The following TRIP12 variants were observed in gnomAD, a reference collection of about 807,000 sequenced individuals.
TRIP12 encodes E3 ubiquitin-protein ligase TRIP12.
In TRIP12, 25 loss-of-function variants were observed where a neutral mutation model predicts 244.2. The ratio of observed to expected loss-of-function variants is 0.10; its 90% confidence interval spans 0.07 to 0.14. The LOEUF is 0.14. Ranked by LOEUF, TRIP12 falls within the 10% of genes least tolerant of loss-of-function variation. TRIP12 has a pLI of 1.00. For synonymous variants in TRIP12, 905 were observed against 873.1 expected (o/e 1.04, Z -0.64); for missense variants, 1,677 against 2,486.4 (o/e 0.67, Z 6.92).
At position 229,901,229 on chromosome 2, in the gene TRIP12, C is replaced by T. The variant is rs559633391; in HGVS notation, c.-50+20651G>A. On this transcript the variant is annotated intron_variant, in intron 1 of 41. Coordinates refer to ENST00000675903, the MANE Select transcript of TRIP12 (RefSeq NM_001348323.3). ...GATTACAGTCATGAGCCACCACACC[C>T]GGCTCAATAAAGCTGTTTTTAAAAA... Among the ~76,000 whole-genome samples the T allele has an allele frequency of 2.0e-3, 308 of 151,838 alleles. 2 individuals carry two copies. The highest frequency in any genetic ancestry group is 7.0e-3 in the African/African-American group (292 of 41,454).
At chr2:229,864,076 G>A (rs896947415) in intron 2 of TRIP12, among the ~76,000 whole-genome samples, 3 of 149,040 alleles carry the variant, frequency 2.0e-5, no homozygotes, top group Non-Finnish European at 4.5e-5. Context: ...GTGTGTGTGT[G>A]TGCACGCGCA....
At position 229,859,175 on chromosome 2, in the gene TRIP12, A is replaced by C. The variant is rs762609153; in HGVS notation, c.624T>G (p.Thr208=). 1 of 1,614,134 alleles carries C rather than the reference A, an allele frequency of 6.2e-7. No individual in the cohort carries two copies. Among genetic ancestry groups the C allele is most frequent in the African/African-American group, 1.3e-5 (1 of 75,030 alleles). ...GTTTCGCAGATCTCTCTTCTGCACC[A>C]GTTGATTCAGACCCGGAGCCACTCT... The part of the protein sequence containing the change: ...CVKSGSGSES[T]GAEERSAKPT... Residue 208 remains threonine, a synonymous_variant, in exon 4 of 42, where the codon ACT becomes ACG. Coordinates refer to ENST00000675903, the MANE Select transcript of TRIP12 (RefSeq NM_001348323.3).
Position 229,788,815 on chromosome 2 carries a change from A to G in TRIP12, c.4821T>C (p.Thr1607=). ...TGTCTTACCAGGTTTTTCCTAGCTC[A>G]GTAAGCCATGTTGGGATGTTTCCTG... The part of the protein sequence containing the change: ...IMTGNIPTWL[T]ELGKTCPFFF... The change falls in exon 32 of 42, where the codon ACT becomes ACC. Residue 1607 remains threonine (T), a synonymous_variant. Transcript: ENST00000675903. 6 of 1,613,578 alleles carry G rather than the reference A, an allele frequency of 3.7e-6. No individual in the cohort carries two copies. Among genetic ancestry groups the G allele is most frequent in the Non-Finnish European group, 5.1e-6 (6 of 1,179,882 alleles).
At chr2:229,810,823 A>C in intron 15 of TRIP12, 57 bp downstream of exon 15, 6 of 1,560,508 alleles carry the variant, frequency 3.8e-6, no homozygotes, top group Non-Finnish European at 5.3e-6. Flanking sequence ...TTGACTTTAC[A>C]TATTAATGAA....
intron 6 of TRIP12, among the ~76,000 whole-genome samples, chr2:229,834,269 T>C (rs1018665643): frequency 2.6e-5 from 4 of 152,238 alleles, no homozygotes; most frequent in African/African-American, 4.8e-5. Context: ...GTTAACAAAA[T>C]TGGACCACTT....
intron 17 of TRIP12, 53 bp from the exon 18 acceptor site, chr2:229,805,936 C>G: frequency 7.1e-7 from 1 of 1,413,030 alleles, no homozygotes; most frequent in Non-Finnish European, 9.5e-7. Context: ...AATCTATTAC[C>G]TTAAGACACA....
intron 2 of TRIP12, 117 bp from the exon 3 acceptor site, chr2:229,860,648 A>G: frequency 1.0e-6 from 1 of 961,958 alleles, no homozygotes; most frequent in Non-Finnish European, 1.4e-6. Flanking sequence ...TGTTGACCCT[A>G]CCCTTTTTCC....
At chr2:229,886,427 A>G (rs2066025922) in intron 1 of TRIP12, among the ~76,000 whole-genome samples, 1 of 152,130 alleles carries the variant, frequency 6.6e-6, no homozygotes, top group South Asian at 2.1e-4. Context: ...AAACCATTTG[A>G]ATGTGATAAC....
chr2:229,773,364 G>A (rs1234051530), intron 38 of TRIP12, among the ~76,000 whole-genome samples: 8 of 152,068 alleles, frequency 5.3e-5, no homozygotes, highest in East Asian at 1.9e-4. Context: ...ATGAGCCACC[G>A]TGCCCAGCCT....
rs751261947 is a variant in TRIP12 at position 229,769,236 on chromosome 2, A to G, written c.5898T>C (p.His1966=). ...ECCRPDHGYT[H]DSRAVKFLFE... ...TGGCAGACCCCAGTACTTACCTGTC[A>G]TGAGTATAACCATGATCAGGCCTAC... The change falls in exon 40 of 42, where the codon CAT becomes CAC. Residue 1966 remains histidine, a synonymous_variant. Transcript: ENST00000675903. 1.9e-6 allele frequency: 3 copies of G among 1,612,722 alleles called. No homozygotes were observed. The highest frequency in any genetic ancestry group is 1.1e-5 in the South Asian group (1 of 90,910).
chr2:229,805,964 A>C, intron 17 of TRIP12, 81 bp from the exon 18 acceptor site: 1 of 1,126,848 alleles, frequency 8.9e-7, no homozygotes, highest in Non-Finnish European at 1.2e-6. Flanking sequence ...CCCTCCAAAT[A>C]TGCTATCTTA....
At chr2:229,776,080 G>A (rs1330159901) in intron 37 of TRIP12, among the ~76,000 whole-genome samples, 2 of 152,152 alleles carry the variant, frequency 1.3e-5, no homozygotes, top group Non-Finnish European at 2.9e-5. Flanking sequence ...CTGGGTTTGA[G>A]TTCCTACTCT....
chr2:229,909,103 A>AG (rs987333792), intron 1 of TRIP12, among the ~76,000 whole-genome samples: 14 of 151,590 alleles, frequency 9.2e-5, no homozygotes, highest in Admixed American at 7.2e-4. Context: ...AAAAAAAAAA[A>AG]AAAAGAGATT....
chr2:229,849,590 T>TAGTG (rs1173992227), intron 4 of TRIP12, among the ~76,000 whole-genome samples: 2 of 152,040 alleles, frequency 1.3e-5, no homozygotes, highest in African/African-American at 4.8e-5. Context: ...TGGCCAGGCA[T>TAGTG]AGTGGCTCAT....
chr2:229,891,555 T>C (rs996646817), intron 1 of TRIP12, among the ~76,000 whole-genome samples: 4 of 152,234 alleles, frequency 2.6e-5, no homozygotes, highest in African/African-American at 2.4e-5. Flanking sequence ...CAAGCCATGA[T>C]TGTGCCACTG....
At chr2:229,843,888 A>G (rs2057037370) in intron 4 of TRIP12, among the ~76,000 whole-genome samples, 1 of 152,106 alleles carries the variant, frequency 6.6e-6, no homozygotes, top group African/African-American at 2.4e-5. Flanking sequence ...CGAAAAGAAA[A>G]GGAAGAAAAG....
chr2:229,778,885 T>G lies in TRIP12; in HGVS notation c.5200A>C (p.Asn1734His). The G allele has an allele frequency of 6.2e-7, 1 of 1,613,794 alleles. No individual in the cohort carries two copies. The highest frequency in any genetic ancestry group is 8.5e-7 in the Non-Finnish European group (1 of 1,179,752). The change falls in exon 35 of 42, where the codon AAT becomes CAT. Residue 1734 changes from asparagine (N) to histidine (H), a missense_variant. Coordinates refer to ENST00000675903, the MANE Select transcript of TRIP12 (RefSeq NM_001348323.3). The surrounding 1 kb of genome is among the most constrained non-coding windows in gnomAD (Gnocchi z 4.1). ...TACAGATAGGCATTACCTTTTGGATTGCTAAGAGTTACTTCTTCACCTCTC... is the reference window on the plus strand; with the variant it reads ...TACAGATAGGCATTACCTTTTGGATGGCTAAGAGTTACTTCTTCACCTCTC... The part of the protein sequence containing the change: ...LWRGEEVTLS[N>H]PKGSQEGTKY...
intron 8 of TRIP12, among the ~76,000 whole-genome samples, chr2:229,824,577 C>T (rs2154293209): frequency 6.6e-6 from 1 of 152,256 alleles, no homozygotes; most frequent in African/African-American, 2.4e-5. Context: ...TGTATACCCA[C>T]ACAATGGAGT....
chr2:229,842,112 C>A (rs2056566230), intron 4 of TRIP12, among the ~76,000 whole-genome samples: 1 of 152,142 alleles, frequency 6.6e-6, no homozygotes, highest in South Asian at 2.1e-4. Flanking sequence ...TAAACTATAT[C>A]TTTTGGGCCT....
Sources: allele counts gnomAD v4.1 joint callset (sites outside exome capture counted in the v4.1 genomes callset), GRCh38; gene constraint gnomAD v4.1.1; non-coding constraint Gnocchi (gnomAD v3.1); transcripts MANE v1.5; gene names NCBI Gene and HGNC (gene_info 2026-07-23, HGNC 2026-07-21).